NSD3: variants seen among roughly 807,000 people sequenced by gnomAD.
NSD3 encodes nuclear receptor binding SET domain protein 3, also known as histone-lysine N-methyltransferase NSD3.
A neutral mutation model predicts 160.8 loss-of-function variants in NSD3; 24 were observed. That is an observed-to-expected ratio of 0.15 (90% CI 0.11 to 0.21). The LOEUF (loss-of-function observed/expected upper bound fraction) is 0.21, where lower values mean the gene tolerates loss of function less well. Among genes scored for constraint, NSD3 ranks in the 10% least tolerant of loss-of-function variants. The pLI, the probability that NSD3 is intolerant of heterozygous loss-of-function variation, is 1.00. For missense variants in NSD3, 1,157 were observed against 1,735.9 expected (o/e 0.67, Z 5.93); for synonymous variants, 520 against 600.0 (o/e 0.87, Z 1.95).
intron 10 of NSD3, 66 bp downstream of exon 10, chr8:38,315,846 A>G: frequency 1.3e-6 from 2 of 1,552,778 alleles, no homozygotes; most frequent in East Asian, 2.3e-5. Context: ...GATTTCCCCA[A>G]ATAAATAAGG....
intron 2 of NSD3, among the ~76,000 whole-genome samples, chr8:38,346,065 C>T (rs1810515629): frequency 6.6e-6 from 1 of 151,688 alleles, no homozygotes; most frequent in Non-Finnish European, 1.5e-5. Flanking sequence ...CTAGAAACAT[C>T]ACTGATTACT....
In NSD3 at chr8:38,341,775, GA is replaced by G. The variant is rs2043271039; in HGVS notation, c.676-3169del. ...AAGAACAGCTTGGGCAACATGGCGAGACCCCATCTCTATAAAAAAAGAGCCA... is the reference window on the plus strand; with the variant it reads ...AAGAACAGCTTGGGCAACATGGCGAGCCCCATCTCTATAAAAAAAGAGCCA... On this transcript the variant is annotated intron_variant, in intron 2 of 23. Coordinates refer to ENST00000317025, the MANE Select transcript of NSD3 (RefSeq NM_023034.2). Among the ~76,000 whole-genome samples the G allele has an allele frequency of 4.6e-5, 7 of 151,692 alleles. No homozygotes were observed. In the South Asian group the frequency reaches 1.5e-3, roughly 32 times the overall value.
intron 1 of NSD3, among the ~76,000 whole-genome samples, chr8:38,351,961 T>C (rs1490076211): frequency 2.0e-5 from 3 of 151,512 alleles, no homozygotes; most frequent in Admixed American, 6.6e-5. Flanking sequence ...ACATGGCACA[T>C]GTATACATAC....
intron 19 of NSD3, among the ~76,000 whole-genome samples, chr8:38,285,270 A>AT (rs1563342311): frequency 6.6e-6 from 1 of 152,184 alleles, no homozygotes; most frequent in Non-Finnish European, 1.5e-5. Context: ...ATACCTTAAA[A>AT]TTTTTTCTGA....
In NSD3 at chr8:38,318,205, G is replaced by C. The variant is rs1031105993; in HGVS notation, c.1855+690C>G. On this transcript the variant is annotated intron_variant, in intron 9 of 23. Transcript: ENST00000317025. This position sits in a 1 kb window ranked among gnomAD's most constrained non-coding sequence, Gnocchi z 5.3. ...GCAGACTTCTCCCCGAGAATGCAGA[G>C]AGGCTGTTGTTTTATTTTATTTTTA... 6.6e-6 allele frequency among the ~76,000 whole-genome samples: 1 copy of C among 152,078 alleles called. No homozygotes were observed. Among genetic ancestry groups the C allele is most frequent in the Non-Finnish European group, 1.5e-5 (1 of 68,006 alleles).
intron 1 of NSD3, among the ~76,000 whole-genome samples, chr8:38,349,686 T>C (rs1810630117): frequency 8.1e-6 from 1 of 123,844 alleles, no homozygotes. Context: ...TATATATATA[T>C]ATATATGTAT....
chr8:38,315,658 C>A, intron 10 of NSD3, 114 bp from the exon 11 acceptor site: 1 of 1,409,380 alleles, frequency 7.1e-7, no homozygotes, highest in South Asian at 1.3e-5. Flanking sequence ...GACACAACCA[C>A]CTTTTTCCTT....
chr8:38,299,582 C>T lies in NSD3; in HGVS notation c.2620G>A (p.Val874Ile), dbSNP rs374434770. ...FCFVCARGLI[V>I]QDHSDPMFSS... ...AACATGGGGTCTGAATGGTCCTGAA[C>T]TATCAGCCCTATACGAAACAAACAG... Residue 874 changes from valine (V) to isoleucine (I), a missense_variant, in exon 15 of 24, where the codon GTT becomes ATT. By Grantham distance (29) the Val-to-Ile change is conservative (BLOSUM62 3). This residue lies in a region of NSD3 where 437 missense variants were observed against 576.6 expected (regional missense o/e 0.76). Coordinates refer to ENST00000317025, the MANE Select transcript of NSD3 (RefSeq NM_023034.2). The T allele has an allele frequency of 6.3e-7, 1 of 1,595,794 alleles. No individual in the cohort carries two copies. Among genetic ancestry groups the T allele is most frequent in the Non-Finnish European group, 8.5e-7 (1 of 1,173,034 alleles).
intron 14 of NSD3, among the ~76,000 whole-genome samples, chr8:38,302,889 C>T: frequency 6.6e-6 from 1 of 152,210 alleles, no homozygotes; most frequent in Non-Finnish European, 1.5e-5. Flanking sequence ...CCTGCCTCAG[C>T]CTCCCAAGTG....
At chr8:38,347,416 A>G in intron 2 of NSD3, 81 bp downstream of exon 2, 2 of 1,434,698 alleles carry the variant, frequency 1.4e-6, no homozygotes, top group Non-Finnish European at 1.9e-6. Context: ...ATATTTAAAG[A>G]GATAAAAACC....
rs1554524739 is a variant in NSD3 at position 38,316,810 on chromosome 8, G to GT, written c.1856-769dup. On this transcript the variant is annotated intron_variant, in intron 9 of 23. Transcript: ENST00000317025. This position sits in a 1 kb window ranked among gnomAD's most constrained non-coding sequence, Gnocchi z 4.5. ...AAAAGGCAGAGAATAGTGTGGAATT[G>GT]TTTTTTTTAAAACTGTGTGTAATAC... 6.6e-5 allele frequency: 70 copies of GT among 1,060,400 alleles called. No homozygotes were observed. Among genetic ancestry groups the GT allele is most frequent in the African/African-American group, 2.6e-4 (16 of 60,850 alleles). 65.7% of individuals were successfully genotyped at this position (1,060,400 alleles called of 1,614,324 possible). A position where few individuals can be genotyped will look rare whatever the true frequency, so the allele number is the denominator to read the frequency against.
intron 1 of NSD3, among the ~76,000 whole-genome samples, chr8:38,364,679 T>C (rs887837048): frequency 6.6e-6 from 1 of 152,216 alleles, no homozygotes; most frequent in African/African-American, 2.4e-5. Flanking sequence ...CTGGGCCACA[T>C]TGAATTTTGT....
chr8:38,336,947 T>A (rs1810231618), intron 4 of NSD3, among the ~76,000 whole-genome samples: 1 of 152,046 alleles, frequency 6.6e-6, no homozygotes, highest in South Asian at 2.1e-4. Flanking sequence ...TTCAAGACCA[T>A]CCTGGGTAAC....
Position 38,273,586 on chromosome 8 carries a change from T to G in NSD3, c.*2055A>C, listed in dbSNP as rs1269857677. 2.0e-5 allele frequency: 3 copies of G among 152,220 alleles called. No homozygotes were observed. Among genetic ancestry groups the G allele is most frequent in the Non-Finnish European group, 4.4e-5 (3 of 68,040 alleles). The allele number at this position is 152,220 out of a possible 1,614,324, so 9.4% of individuals were successfully genotyped here. On this transcript the variant is annotated 3_prime_UTR_variant, in exon 24 of 24. Transcript: ENST00000317025. ...GTATTTGGAATATTAAAGGAAATCC[T>G]TATGTTAGTAAGTTTAAAAAACCAA...
chr8:38,290,367 G>A (rs1808973362), intron 17 of NSD3, 108 bp downstream of exon 17: 1 of 1,108,890 alleles, frequency 9.0e-7, no homozygotes, highest in African/African-American at 1.5e-5. Context: ...GGATCATAAT[G>A]TCTAGTGAAA....
intron 14 of NSD3, chr8:38,303,465 G>A: frequency 1.1e-6 from 1 of 930,612 alleles, no homozygotes; most frequent in Non-Finnish European, 1.3e-6. Context: ...TTATAAAACA[G>A]GCAAACAGAA....
chr8:38,317,474 A>T lies in NSD3; in HGVS notation c.1855+1421T>A, dbSNP rs1372493670. 9.5e-7 allele frequency: 1 copy of T among 1,057,054 alleles called. No individual in the cohort carries two copies. The highest frequency in any genetic ancestry group is 1.1e-6 in the Non-Finnish European group (1 of 874,186). The allele number at this position is 1,057,054 out of a possible 1,614,324, so 65.5% of individuals were successfully genotyped here. ...TTCGAAGGGAAACACAGGTACCGCC[A>T]TTTCCGATGAGTTTCTGAAAATGCT... On this transcript the variant is annotated intron_variant, in intron 9 of 23. Coordinates refer to ENST00000317025, the MANE Select transcript of NSD3 (RefSeq NM_023034.2). This position sits in a 1 kb window ranked among gnomAD's most constrained non-coding sequence, Gnocchi z 5.3.
intron 22 of NSD3, 86 bp from the exon 23 acceptor site, chr8:38,276,586 A>C: frequency 7.2e-7 from 1 of 1,393,070 alleles, no homozygotes. Context: ...CCTTGCATTC[A>C]TTTAAATTCA....
rs1443161858 is a variant in NSD3, at chr8:38,289,376, C to T, written c.3231+17G>A. The T allele has an allele frequency of 1.9e-6, 3 of 1,593,028 alleles. No homozygotes were observed. Among genetic ancestry groups the T allele is most frequent in the Non-Finnish European group, 2.6e-6 (3 of 1,169,932 alleles). The stretch of plus-strand genomic sequence containing the variant: ...CTTATTTTATTTGGCAATCCCAGGC[C>T]AGAGATAAAGACTTACTTTGATGTG... On this transcript the variant is annotated intron_variant, in intron 18 of 23. Transcript: ENST00000317025.
Sources: allele counts gnomAD v4.1 joint callset (sites outside exome capture counted in the v4.1 genomes callset), GRCh38; gene constraint gnomAD v4.1.1; regional missense constraint gnomAD v4.1.1; non-coding constraint Gnocchi (gnomAD v3.1); transcripts MANE v1.5; gene names NCBI Gene and HGNC (gene_info 2026-07-23, HGNC 2026-07-21).